Variants in GRID1 observed in about 807,000 individuals in gnomAD.
GRID1 encodes the protein glutamate receptor ionotropic, delta-1.
GRID1 carries 28 observed loss-of-function variants against 98.0 expected under a neutral mutation model. That is an observed-to-expected ratio of 0.29 (90% CI 0.21 to 0.39). The LOEUF (loss-of-function observed/expected upper bound fraction) is 0.39. Among genes scored for constraint, GRID1 ranks in the 10% least tolerant of loss-of-function variants. The pLI is 1.00. For synonymous variants in GRID1, 553 were observed against 538.5 expected (o/e 1.03, Z -0.37); for missense variants, 1,111 against 1,340.5 (o/e 0.83, Z 2.67).
chr10:86,343,370 A>G (rs1344785933), intron 2 of GRID1, among the ~76,000 whole-genome samples: 2 of 152,254 alleles, frequency 1.3e-5, no homozygotes, highest in Non-Finnish European at 2.9e-5. Flanking sequence ...TGTATAATTA[A>G]AACAATTTAA....
chr10:85,850,163 C>T (rs1475064179), intron 8 of GRID1, among the ~76,000 whole-genome samples: 3 of 152,176 alleles, frequency 2.0e-5, no homozygotes, highest in Admixed American at 2.0e-4. Context: ...TGGCAATTCT[C>T]CCAGGGTTTT....
At chr10:86,285,530 G>A (rs1589437122) in intron 2 of GRID1, among the ~76,000 whole-genome samples, 1 of 152,306 alleles carries the variant, frequency 6.6e-6, no homozygotes, top group Non-Finnish European at 1.5e-5. Context: ...CAACAACACA[G>A]GAACCCTGTG....
chr10:85,921,108 GC>G (rs1841697152), intron 4 of GRID1, among the ~76,000 whole-genome samples: 1 of 152,218 alleles, frequency 6.6e-6, no homozygotes, highest in African/African-American at 2.4e-5. Context: ...TTCTCTTCTA[GC>G]CCCTTTTGAA....
intron 8 of GRID1, among the ~76,000 whole-genome samples, chr10:85,821,441 C>T (rs112608756): frequency 0.066 from 8,608 of 130,664 alleles, 869 homozygotes; most frequent in African/African-American, 0.23. Context: ...CACTTGAACC[C>T]GGGAGGCAGA....
At chr10:85,906,968 C>A (rs989073019) in intron 5 of GRID1, among the ~76,000 whole-genome samples, 1 of 151,884 alleles carries the variant, frequency 6.6e-6, no homozygotes, top group Non-Finnish European at 1.5e-5. Context: ...GTCAATAAAC[C>A]TCCAATCAGA....
At chr10:86,264,787 C>A (rs1291953088) in intron 2 of GRID1, 3 of 488,382 alleles carry the variant, frequency 6.1e-6, no homozygotes, top group South Asian at 4.6e-5. Flanking sequence ...AACACAGAGA[C>A]CTCCCACACG....
chr10:86,331,337 C>G (rs546532396), intron 2 of GRID1, among the ~76,000 whole-genome samples: 112 of 152,288 alleles, frequency 7.4e-4, no homozygotes, highest in African/African-American at 2.5e-3. Context: ...CTGACAGGGC[C>G]TCCCAGCCTG....
intron 4 of GRID1, among the ~76,000 whole-genome samples, chr10:86,116,407 C>T (rs1241407984): frequency 2.6e-5 from 4 of 152,196 alleles, no homozygotes; most frequent in African/African-American, 4.8e-5. Flanking sequence ...TGCTCTCTCC[C>T]GCAACTCCCC....
intron 4 of GRID1, among the ~76,000 whole-genome samples, chr10:85,944,373 G>A (rs146881750): frequency 0.011 from 1,724 of 152,204 alleles, 36 homozygotes; most frequent in African/African-American, 0.033. Context: ...TTAACCCCTC[G>A]AATTGACAAA....
intron 8 of GRID1, among the ~76,000 whole-genome samples, chr10:85,797,825 C>A (rs551459033): frequency 6.6e-6 from 1 of 152,246 alleles, no homozygotes; most frequent in Non-Finnish European, 1.5e-5. Flanking sequence ...TGAGAATATG[C>A]AGTATTTGGT....
chr10:86,211,645 C>T (rs142476228), intron 2 of GRID1, among the ~76,000 whole-genome samples: 99 of 152,068 alleles, frequency 6.5e-4, no homozygotes, highest in African/African-American at 2.3e-3. Flanking sequence ...GAGGTACTGG[C>T]CACTTCACAG....
chr10:85,718,171 G>A (rs537156207), intron 12 of GRID1, among the ~76,000 whole-genome samples: 2 of 152,212 alleles, frequency 1.3e-5, no homozygotes, highest in Non-Finnish European at 2.9e-5. Context: ...GCTCCGCTAG[G>A]CAGTGCCCCA....
intron 12 of GRID1, among the ~76,000 whole-genome samples, chr10:85,682,313 T>C (rs867100415): frequency 6.6e-6 from 1 of 152,112 alleles, no homozygotes; most frequent in Non-Finnish European, 1.5e-5. Context: ...GAAGATGATA[T>C]GAGATTTGTT....
At chr10:85,603,860 T>C (rs966596613) in intron 15 of GRID1, among the ~76,000 whole-genome samples, 8 of 152,176 alleles carry the variant, frequency 5.3e-5, no homozygotes, top group African/African-American at 1.7e-4. Flanking sequence ...GCATCTTGTA[T>C]TGGAGAAAGG....
rs56757884 is a variant in GRID1, at chr10:86,206,271, T to A, written c.520+93A>T. ...AGGCCCACTCAGCACAGACCACCCC[T>A]GACCGGTCCAGGGCCCCACCCACTC... is the stretch of plus-strand genomic sequence containing the variant. On this transcript the variant is annotated intron_variant, in intron 3 of 15. Transcript: ENST00000327946. This position sits in a 1 kb window ranked among gnomAD's most constrained non-coding sequence, Gnocchi z 4.1. 7.1e-6 allele frequency: 9 copies of A among 1,271,270 alleles called. No homozygotes were observed. Among genetic ancestry groups the A allele is most frequent in the Non-Finnish European group, 9.8e-6 (9 of 920,446 alleles). The allele number at this position is 1,271,270 out of a possible 1,614,324, so 78.7% of individuals were successfully genotyped here. A position where few individuals can be genotyped will look rare whatever the true frequency, so the allele number is the denominator to read the frequency against.
intron 9 of GRID1, among the ~76,000 whole-genome samples, chr10:85,728,468 C>A (rs1453586052): frequency 6.6e-6 from 1 of 152,164 alleles, no homozygotes; most frequent in East Asian, 1.9e-4. Context: ...GGCGATAAAG[C>A]TCTGTGACAT....
intron 4 of GRID1, among the ~76,000 whole-genome samples, chr10:85,948,464 G>A (rs969672827): frequency 6.6e-6 from 1 of 152,124 alleles, no homozygotes; most frequent in East Asian, 1.9e-4. Context: ...GGAATTAACT[G>A]CCCTACACAC....
chr10:86,251,833 G>A (rs1000115070), intron 2 of GRID1, among the ~76,000 whole-genome samples: 1 of 152,182 alleles, frequency 6.6e-6, no homozygotes, highest in Non-Finnish European at 1.5e-5. Flanking sequence ...GAGCAGCTCA[G>A]GGCTGGGCTG....
At chr10:85,695,336 G>A (rs150050844) in intron 12 of GRID1, among the ~76,000 whole-genome samples, 1 of 152,304 alleles carries the variant, frequency 6.6e-6, no homozygotes, top group Admixed American at 6.5e-5. Flanking sequence ...AAGTGGGTAT[G>A]CACCCATCAT....
Sources: allele counts gnomAD v4.1 joint callset (sites outside exome capture counted in the v4.1 genomes callset), GRCh38; gene constraint gnomAD v4.1.1; non-coding constraint Gnocchi (gnomAD v3.1); transcripts MANE v1.5; gene names NCBI Gene and HGNC (gene_info 2026-07-23, HGNC 2026-07-21).